FAM228B: variants seen among roughly 807,000 people sequenced by gnomAD.
FAM228B encodes the protein family with sequence similarity 228 member B.
FAM228B carries 38 observed loss-of-function variants against 42.6 expected under a neutral mutation model. The ratio of observed to expected loss-of-function variants is 0.89; its 90% CI spans 0.69 to 1.17. The LOEUF (loss-of-function observed/expected upper bound fraction) is 1.17. FAM228B is among the 50% of genes most tolerant of loss of function. The pLI is 0.00. For missense variants in FAM228B, 344 were observed against 367.3 expected (o/e 0.94, Z 0.52); for synonymous variants, 109 against 122.3 (o/e 0.89, Z 0.72).
chr2:24,141,662 G>A (rs1573770860), intron 5 of FAM228B, among the ~76,000 whole-genome samples: 1 of 152,164 alleles, frequency 6.6e-6, no homozygotes, highest in African/African-American at 2.4e-5. Context: ...ACAGGTGTGA[G>A]CCACCGCGCC....
chr2:24,077,681 C>CGGCA lies in FAM228B; in HGVS notation c.-290+714_-290+717dup. ...TCACTGGGTAGATTCTGTCCAGAAC[C>CGGCA]GGCAGCAGACGTTGGGGGCCCTCCG... On this transcript the variant is annotated intron_variant, in intron 1 of 10. Coordinates refer to the FAM228B transcript ENST00000613899. The surrounding 1 kb of genome is among the most constrained non-coding windows in gnomAD (Gnocchi z 5.5). The CGGCA allele has an allele frequency of 6.2e-7, 1 of 1,614,056 alleles. No homozygotes were observed. The highest frequency in any genetic ancestry group is 1.6e-4 in the Middle Eastern group (1 of 6,062).
chr2:24,142,217 C>G (rs1490609931), intron 5 of FAM228B, among the ~76,000 whole-genome samples: 1 of 152,156 alleles, frequency 6.6e-6, no homozygotes, highest in Non-Finnish European at 1.5e-5. Context: ...TCTCCTTTCC[C>G]CCTTTCAATT....
intron 2 of FAM228B, among the ~76,000 whole-genome samples, chr2:24,125,199 A>G (rs1470277852): frequency 1.3e-5 from 2 of 152,086 alleles, no homozygotes; most frequent in Non-Finnish European, 2.9e-5. Flanking sequence ...AGAGCAATAT[A>G]CTGAGACCCT....
intron 5 of FAM228B, among the ~76,000 whole-genome samples, chr2:24,144,492 G>C (rs531920652): frequency 1.3e-5 from 2 of 152,158 alleles, no homozygotes; most frequent in African/African-American, 4.8e-5. Flanking sequence ...CCAAAATAGC[G>C]AGTAGAAAAT....
At chr2:24,119,415 A>T (rs114780658), upstream of FAM228B, among the ~76,000 whole-genome samples, 188 of 152,330 alleles carry the variant, frequency 1.2e-3, no homozygotes, top group African/African-American at 4.4e-3. Flanking sequence ...CCCATGGCTC[A>T]GCTGCACCCT....
At chr2:24,097,036 G>A (rs1573734765) in intron 3 of FAM228B, 1 of 152,028 alleles carries the variant, frequency 6.6e-6, no homozygotes, top group Non-Finnish European at 1.5e-5. Flanking sequence ...AGCTTCATAA[G>A]TAAAGGAAAA....
chr2:24,099,836 G>A (rs868233969), intron 3 of FAM228B, among the ~76,000 whole-genome samples: 1 of 152,148 alleles, frequency 6.6e-6, no homozygotes, highest in Non-Finnish European at 1.5e-5. Flanking sequence ...AAAGAACAAA[G>A]CTGGAGGCAT....
chr2:24,169,346 C>T lies in FAM228B; in HGVS notation c.*15-10C>T. 1 of 467,528 alleles carries T rather than the reference C, an allele frequency of 2.1e-6. No individual in the cohort carries two copies. Among genetic ancestry groups the T allele is most frequent in the Non-Finnish European group, 4.5e-6 (1 of 224,184 alleles). 29.0% of individuals were successfully genotyped at this position (467,528 alleles called of 1,614,324 possible). Reference sequence around the variant, plus strand: ...CACACTCAACTCTTCCCTTTTGTCACCTTCAAAAGGTTTCAGCAACCAAGG... The same window carrying T: ...CACACTCAACTCTTCCCTTTTGTCATCTTCAAAAGGTTTCAGCAACCAAGG... On this transcript the variant is annotated splice_polypyrimidine_tract_variant and intron_variant, in intron 10 of 10. Coordinates refer to ENST00000615575, the MANE Select transcript of FAM228B (RefSeq NM_001145710.2). This position sits in a 1 kb window ranked among gnomAD's most constrained non-coding sequence, Gnocchi z 4.2.
At chr2:24,089,617 C>T (rs931801121) in intron 2 of FAM228B, among the ~76,000 whole-genome samples, 1 of 152,008 alleles carries the variant, frequency 6.6e-6, no homozygotes, top group Non-Finnish European at 1.5e-5. Flanking sequence ...TCAGCTTGTC[C>T]CTGAGTGAGA....
At chr2:24,094,029 CTTTTTTTTTTTTTTTTT>C (rs57620033) in intron 2 of FAM228B, among the ~76,000 whole-genome samples, 2 of 77,394 alleles carry the variant, frequency 2.6e-5, no homozygotes, top group African/African-American at 1.0e-4. Flanking sequence ...TCGCCACATA[CTTTTTTTTTTTTTTTTT>C]TTTTTTTTTT....
chr2:24,102,500 G>A (rs1346273007), intron 3 of FAM228B, among the ~76,000 whole-genome samples: 5 of 152,206 alleles, frequency 3.3e-5, no homozygotes, highest in Non-Finnish European at 7.3e-5. Flanking sequence ...CACTTTGGAA[G>A]CCCAAGGCAG....
upstream of FAM228B, among the ~76,000 whole-genome samples, chr2:24,119,997 A>G (rs1387114024): frequency 6.6e-6 from 1 of 152,174 alleles, no homozygotes; most frequent in Non-Finnish European, 1.5e-5. Context: ...GGCCGGGTGC[A>G]GTGGCTCCCG....
upstream of FAM228B, among the ~76,000 whole-genome samples, chr2:24,121,591 G>T (rs1455548542): frequency 6.6e-6 from 1 of 152,092 alleles, no homozygotes; most frequent in African/African-American, 2.4e-5. Context: ...TTGTGACAGA[G>T]ACTCTACGGC....
intron 10 of FAM228B, among the ~76,000 whole-genome samples, chr2:24,168,987 G>A (rs532506513): frequency 6.6e-6 from 1 of 152,300 alleles, no homozygotes; most frequent in Admixed American, 6.5e-5. Context: ...GGTTTGAAGA[G>A]AAAAGGGAAG....
chr2:24,132,480 T>G (rs1666478496), intron 2 of FAM228B, among the ~76,000 whole-genome samples: 1 of 147,252 alleles, frequency 6.8e-6, no homozygotes, highest in Non-Finnish European at 1.5e-5. Flanking sequence ...TTTTTTTTTT[T>G]TTTTTTTTTT....
intron 5 of FAM228B, among the ~76,000 whole-genome samples, chr2:24,140,461 G>A (rs998590135): frequency 3.9e-5 from 6 of 152,116 alleles, no homozygotes; most frequent in African/African-American, 1.4e-4. Flanking sequence ...ACAGGCTTGA[G>A]CCACTGTGCC....
intron 5 of FAM228B, among the ~76,000 whole-genome samples, chr2:24,141,391 C>T (rs1395620627): frequency 2.6e-5 from 4 of 152,124 alleles, no homozygotes; most frequent in Non-Finnish European, 5.9e-5. Flanking sequence ...CTACATGCAC[C>T]CACCACCACG....
chr2:24,159,299 G>T (rs145943666), intron 7 of FAM228B, among the ~76,000 whole-genome samples: 108 of 152,330 alleles, frequency 7.1e-4, no homozygotes, highest in African/African-American at 2.5e-3. Context: ...AAAGAATCAT[G>T]TATTGAGTTG....
chr2:24,139,317 A>G (rs1666692125), intron 4 of FAM228B, 53 bp from the exon 5 acceptor site: 1 of 1,126,446 alleles, frequency 8.9e-7, no homozygotes, highest in African/African-American at 1.6e-5. Context: ...GATATGCTCA[A>G]AATTAACTGT....
Sources: allele counts gnomAD v4.1 joint callset (sites outside exome capture counted in the v4.1 genomes callset), GRCh38; gene constraint gnomAD v4.1.1; non-coding constraint Gnocchi (gnomAD v3.1); transcripts MANE v1.5; gene names NCBI Gene and HGNC (gene_info 2026-07-23, HGNC 2026-07-21).